The following WDR70 variants were observed in gnomAD, a reference collection of about 807,000 sequenced individuals.
WDR70 encodes WD repeat-containing protein 70.
A neutral mutation model predicts 88.6 loss-of-function variants in WDR70; 53 were observed. That is an observed-to-expected ratio of 0.60 (90% CI 0.48 to 0.75). The LOEUF is 0.75. WDR70 is among the 30% of genes least tolerant of loss of function. The pLI is 0.00. For missense variants in WDR70, 610 were observed against 823.2 expected (o/e 0.74, Z 3.17); for synonymous variants, 280 against 270.0 (o/e 1.04, Z -0.36).
At chr5:37,512,964 A>T (rs1740765135) in intron 8 of WDR70, among the ~76,000 whole-genome samples, 1 of 152,172 alleles carries the variant, frequency 6.6e-6, no homozygotes, top group African/African-American at 2.4e-5. Flanking sequence ...GAATATGGAC[A>T]TATCTTTTTG....
At chr5:37,724,343 G>A (rs907366080) in intron 15 of WDR70, 1 of 152,092 alleles carries the variant, frequency 6.6e-6, no homozygotes, top group East Asian at 1.9e-4. Context: ...CTACCATATA[G>A]CAGGAGGGAT....
chr5:37,545,827 G>A (rs1474018178), intron 9 of WDR70, among the ~76,000 whole-genome samples: 1 of 152,000 alleles, frequency 6.6e-6, no homozygotes, highest in African/African-American at 2.4e-5. Flanking sequence ...CCCAGCCAAG[G>A]GTGCTTTTTA....
chr5:37,594,130 C>G (rs1306429997), intron 9 of WDR70, among the ~76,000 whole-genome samples: 1 of 151,902 alleles, frequency 6.6e-6, no homozygotes, highest in Non-Finnish European at 1.5e-5. Flanking sequence ...TTTCTTTTGC[C>G]GTATGGAAGC....
intron 5 of WDR70, among the ~76,000 whole-genome samples, chr5:37,411,312 T>C (rs578057152): frequency 6.0e-4 from 91 of 152,340 alleles, no homozygotes; most frequent in African/African-American, 2.2e-3. Flanking sequence ...AGGTTCAGTT[T>C]GGTGAATTTT....
At chr5:37,616,532 C>T (rs1744348885) in intron 10 of WDR70, among the ~76,000 whole-genome samples, 1 of 152,158 alleles carries the variant, frequency 6.6e-6, no homozygotes, top group South Asian at 2.1e-4. Flanking sequence ...TCCCACAAGC[C>T]CCCCGCTGCT....
chr5:37,440,673 T>G (rs1181335486), intron 6 of WDR70, among the ~76,000 whole-genome samples: 1 of 152,220 alleles, frequency 6.6e-6, no homozygotes, highest in African/African-American at 2.4e-5. Flanking sequence ...TTTTTCTAAT[T>G]ACCTCCTTCA....
chr5:37,651,386 C>T (rs925289862), intron 10 of WDR70, among the ~76,000 whole-genome samples: 1 of 152,120 alleles, frequency 6.6e-6, no homozygotes, highest in Non-Finnish European at 1.5e-5. Context: ...TGGGCTGGTT[C>T]CAAGTCTTTG....
At chr5:37,609,442 G>A (rs897264123) in intron 10 of WDR70, among the ~76,000 whole-genome samples, 3 of 152,116 alleles carry the variant, frequency 2.0e-5, no homozygotes, top group Admixed American at 2.0e-4. Context: ...CAATATACTA[G>A]ACTCTTGACT....
intron 9 of WDR70, among the ~76,000 whole-genome samples, chr5:37,555,296 A>T (rs1401032327): frequency 6.6e-6 from 1 of 152,238 alleles, no homozygotes; most frequent in Non-Finnish European, 1.5e-5. Flanking sequence ...TATAAGCATT[A>T]AATGAATTCT....
At chr5:37,522,325 G>C (rs1198212628) in intron 9 of WDR70, among the ~76,000 whole-genome samples, 1 of 151,986 alleles carries the variant, frequency 6.6e-6, no homozygotes, top group South Asian at 2.1e-4. Flanking sequence ...CAAAAAATTA[G>C]CTGGGCATGG....
At chr5:37,533,859 C>T (rs1313043380) in intron 9 of WDR70, among the ~76,000 whole-genome samples, 4 of 152,148 alleles carry the variant, frequency 2.6e-5, no homozygotes, top group African/African-American at 9.7e-5. Context: ...TCATTCCTGC[C>T]GTGCCCCCTC....
intron 9 of WDR70, among the ~76,000 whole-genome samples, chr5:37,578,334 C>CT (rs35972194): frequency 0.58 from 87,322 of 151,804 alleles, 27,162 homozygotes; most frequent in Non-Finnish European, 0.69. Flanking sequence ...TTTTCTTTGC[C>CT]TTTTTTGGAC....
chr5:37,528,679 T>C (rs1327322966), intron 9 of WDR70, among the ~76,000 whole-genome samples: 4 of 152,010 alleles, frequency 2.6e-5, no homozygotes, highest in Middle Eastern at 3.2e-3. Context: ...AATTTTGTTT[T>C]TCTTATTTGA....
chr5:37,683,922 T>C (rs184285980), intron 10 of WDR70, among the ~76,000 whole-genome samples: 9 of 152,326 alleles, frequency 5.9e-5, no homozygotes, highest in Admixed American at 2.6e-4. Context: ...ATGGATGATA[T>C]CCTGAAATAT....
intron 9 of WDR70, among the ~76,000 whole-genome samples, chr5:37,530,500 A>T (rs1276879626): frequency 6.6e-6 from 1 of 151,912 alleles, no homozygotes; most frequent in African/African-American, 2.4e-5. Flanking sequence ...TGGTCTGTTC[A>T]GAATTTCTTT....
At chr5:37,403,281 A>G (rs1749257906) in intron 5 of WDR70, among the ~76,000 whole-genome samples, 1 of 152,168 alleles carries the variant, frequency 6.6e-6, no homozygotes, top group African/African-American at 2.4e-5. Flanking sequence ...AATTATGTTC[A>G]TATTTAAACT....
At chr5:37,468,509 T>C (rs1256938932) in intron 7 of WDR70, among the ~76,000 whole-genome samples, 1 of 152,190 alleles carries the variant, frequency 6.6e-6, no homozygotes, top group African/African-American at 2.4e-5. Context: ...ATTGTACATA[T>C]ATATGGGGTA....
chr5:37,593,567 G>C (rs577205562), intron 9 of WDR70, among the ~76,000 whole-genome samples: 1 of 152,100 alleles, frequency 6.6e-6, no homozygotes, highest in Admixed American at 6.5e-5. Flanking sequence ...CATTTGGGTC[G>C]GTTCCAAGTC....
chr5:37,443,682 G>A (rs1479467867), intron 7 of WDR70, among the ~76,000 whole-genome samples: 1 of 152,138 alleles, frequency 6.6e-6, no homozygotes, highest in African/African-American at 2.4e-5. Context: ...GCAAAAGCCC[G>A]TCTCTACTAA....
Sources: allele counts gnomAD v4.1 joint callset (sites outside exome capture counted in the v4.1 genomes callset), GRCh38; gene constraint gnomAD v4.1.1; transcripts MANE v1.5; gene names NCBI Gene and HGNC (gene_info 2026-07-23, HGNC 2026-07-21).